The following MUCL1 variants were observed in gnomAD, a reference collection of about 807,000 sequenced individuals.
The protein encoded by MUCL1 is mucin like 1, also known as mucin-like protein 1.
A neutral mutation model predicts 9.2 loss-of-function variants in MUCL1; 11 were observed. The ratio of observed to expected loss-of-function variants is 1.19; its 90% CI spans 0.75 to 1.97. MUCL1 has a LOEUF of 1.97. Among genes scored for constraint, MUCL1 ranks in the 30% most tolerant of loss-of-function variants. The probability of loss-of-function intolerance (pLI) is 0.00; values close to 1 mark genes in which losing one functional copy is unlikely to be tolerated. For synonymous variants in MUCL1, 48 were observed against 40.5 expected (o/e 1.19, Z -0.71); for missense variants, 144 against 110.9 (o/e 1.30, Z -1.34).
chr12:54,840,758 C>T lies in MUCL1; in HGVS notation c.43+1311C>T, dbSNP rs563332378. ...TGGCATAATGTTCCAGGGAGGAGCA[C>T]AGCTGCCTCTGCCACACAAAAGAAT... is the stretch of plus-strand genomic sequence containing the variant. On this transcript the variant is annotated intron_variant, in intron 1 of 3. Transcript: ENST00000546809. Among the ~76,000 whole-genome samples the T allele has an allele frequency of 6.8e-4, 103 of 152,292 alleles. 1 individual carries two copies. Among genetic ancestry groups the T allele is most frequent in the African/African-American group, 1.4e-3 (58 of 41,558 alleles).
upstream of MUCL1, among the ~76,000 whole-genome samples, chr12:54,851,043 G>T (rs2135944668): frequency 6.6e-6 from 1 of 152,236 alleles, no homozygotes; most frequent in Admixed American, 6.5e-5. Context: ...TGAATTCATT[G>T]TAGATTCTGG....
chr12:54,837,755 T>A (rs10876626), upstream of MUCL1, among the ~76,000 whole-genome samples: 1 of 151,334 alleles, frequency 6.6e-6, no homozygotes, highest in South Asian at 2.1e-4. Context: ...GGTGACAGAG[T>A]GAGACTCCGT....
intron 1 of MUCL1, 124 bp downstream of exon 1, chr12:54,854,764 C>T: frequency 1.3e-6 from 1 of 792,142 alleles, no homozygotes; most frequent in Non-Finnish European, 2.0e-6. Context: ...TGTTCTATCA[C>T]CATTTTGACT....
Position 54,855,146 on chromosome 12 carries a change from C to A in MUCL1, c.89C>A (p.Thr30Lys), listed in dbSNP as rs748014864. The change falls in exon 2 of 4, where the codon ACG becomes AAG. Residue 30 changes from threonine (T) to lysine (K), a missense_variant. By Grantham distance (78) the Thr-to-Lys change is moderately conservative. Coordinates refer to ENST00000308796, the MANE Select transcript of MUCL1 (RefSeq NM_058173.3). ...QNPTTAAPADTYPATGPADDE... is the reference protein window; with the variant it reads ...QNPTTAAPADKYPATGPADDE... ...CCGACAACAGCTGCTCCAGCTGACA[C>A]GTATCCAGCTAGTGAGTCTGCACTT... is the stretch of plus-strand genomic sequence containing the variant. 1.4e-5 allele frequency: 22 copies of A among 1,613,246 alleles called. No homozygotes were observed. Among genetic ancestry groups the A allele is most frequent in the Non-Finnish European group, 1.9e-5 (22 of 1,179,516 alleles).
chr12:54,844,307 C>T (rs1959230963), intron 1 of MUCL1, among the ~76,000 whole-genome samples: 1 of 151,972 alleles, frequency 6.6e-6, no homozygotes, highest in South Asian at 2.1e-4. Context: ...TATGGTAATG[C>T]AAATTAAGGT....
chr12:54,836,941 GA>G (rs754475890), upstream of MUCL1, among the ~76,000 whole-genome samples: 11 of 152,144 alleles, frequency 7.2e-5, no homozygotes, highest in Non-Finnish European at 1.6e-4. Context: ...TGTGGTCTGA[GA>G]AAACACTTGA....
upstream of MUCL1, among the ~76,000 whole-genome samples, chr12:54,838,538 T>A (rs1280436299): frequency 1.3e-5 from 2 of 152,202 alleles, no homozygotes; most frequent in African/African-American, 4.8e-5. Context: ...AACTTTTTGC[T>A]TTTTCTTCTC....
upstream of MUCL1, among the ~76,000 whole-genome samples, chr12:54,851,801 T>C (rs563206603): frequency 1.3e-3 from 204 of 152,292 alleles, 1 homozygote; most frequent in Admixed American, 3.0e-3. Flanking sequence ...GATAAGCAAC[T>C]TCAGCAAAGT....
upstream of MUCL1, chr12:54,854,447 G>A (rs1402574665): frequency 7.8e-6 from 5 of 642,158 alleles, no homozygotes; most frequent in East Asian, 1.4e-4. Flanking sequence ...ACCTAACCTG[G>A]ATTCTGGTTG....
chr12:54,853,679 GC>G (rs748097963), upstream of MUCL1, among the ~76,000 whole-genome samples: 4 of 151,324 alleles, frequency 2.6e-5, no homozygotes, highest in Non-Finnish European at 4.4e-5. Flanking sequence ...TTTTTATTAG[GC>G]CTTATCACCT....
intron 1 of MUCL1, among the ~76,000 whole-genome samples, chr12:54,832,671 T>A (rs1959186971): frequency 6.6e-6 from 1 of 152,124 alleles, no homozygotes; most frequent in Non-Finnish European, 1.5e-5. Context: ...GACCTAAAAC[T>A]GACTGAGACA....
upstream of MUCL1, among the ~76,000 whole-genome samples, chr12:54,849,631 T>C (rs1177867680): frequency 6.6e-6 from 1 of 152,008 alleles, no homozygotes; most frequent in Non-Finnish European, 1.5e-5. Flanking sequence ...ATAGAATATA[T>C]TGCATAATAT....
intron 2 of MUCL1, chr12:54,855,471 C>T (rs1030511940): frequency 6.4e-6 from 2 of 311,582 alleles, no homozygotes; most frequent in African/African-American, 2.1e-5. Flanking sequence ...TTGAGAGATG[C>T]CTCTAATAAA....
chr12:54,852,716 A>G (rs1214536402), upstream of MUCL1, among the ~76,000 whole-genome samples: 1 of 152,080 alleles, frequency 6.6e-6, no homozygotes, highest in East Asian at 1.9e-4. Flanking sequence ...TCAATAAGTA[A>G]CCGTCTCCTA....
chr12:54,848,474 C>G (rs1959288276), intron 1 of MUCL1, among the ~76,000 whole-genome samples: 1 of 152,072 alleles, frequency 6.6e-6, no homozygotes, highest in Non-Finnish European at 1.5e-5. Flanking sequence ...GGCAGTTCCA[C>G]TTAATTTAAA....
chr12:54,849,404 G>T (rs1959304388), intron 1 of MUCL1, among the ~76,000 whole-genome samples: 1 of 151,622 alleles, frequency 6.6e-6, no homozygotes, highest in African/African-American at 2.4e-5. Context: ...TCATTGTTTT[G>T]GCCCATCTAG....
rs146199620 is a variant in MUCL1, at chr12:54,840,190, A to C, written c.43+743A>C. Among the ~76,000 whole-genome samples the C allele has an allele frequency of 5.9e-5, 9 of 152,318 alleles. No homozygotes were observed. The East Asian group carries it at 1.7e-3, about 29-fold the overall frequency. ...ATATGTCCTCAAGTCTCCCAGAAGC[A>C]GGTACCAGGACCAGTTCTGATGGCG... On this transcript the variant is annotated intron_variant, in intron 1 of 3. Transcript: ENST00000546809.
At chr12:54,841,127 C>T (rs1283686316) in intron 1 of MUCL1, among the ~76,000 whole-genome samples, 1 of 152,212 alleles carries the variant, frequency 6.6e-6, no homozygotes, top group Non-Finnish European at 1.5e-5. Flanking sequence ...AGCATAATGT[C>T]CTCCAGGTTC....
At chr12:54,848,390 TA>T (rs1237669507) in intron 1 of MUCL1, among the ~76,000 whole-genome samples, 1 of 152,184 alleles carries the variant, frequency 6.6e-6, no homozygotes, top group African/African-American at 2.4e-5. Context: ...GGAAGAATAT[TA>T]AGTTATCACA....
Sources: allele counts gnomAD v4.1 joint callset (sites outside exome capture counted in the v4.1 genomes callset), GRCh38; gene constraint gnomAD v4.1.1; transcripts MANE v1.5; gene names NCBI Gene and HGNC (gene_info 2026-07-23, HGNC 2026-07-21).